SNX16: variants seen among roughly 807,000 people sequenced by gnomAD.
SNX16 encodes sorting nexin-16.
Under a neutral mutation model 36.7 loss-of-function variants are expected in SNX16, and 35 were observed. That is an observed-to-expected ratio of 0.95 (90% CI 0.73 to 1.27). The LOEUF (loss-of-function observed/expected upper bound fraction) is 1.27, where lower values mean the gene tolerates loss of function less well. Ranked by LOEUF, SNX16 falls within the 50% of genes most tolerant of loss-of-function variation. SNX16 has a pLI of 0.00. For missense variants in SNX16, 367 were observed against 393.6 expected (o/e 0.93, Z 0.57); for synonymous variants, 134 against 132.0 (o/e 1.02, Z -0.10).
intron 5 of SNX16, chr8:81,807,716 C>A: frequency 1.7e-6 from 1 of 598,746 alleles, no homozygotes; most frequent in South Asian, 1.9e-5. Context: ...TTGCTCCTTT[C>A]TGCCCGTGGA....
chr8:81,816,984 G>A (rs1275197151), intron 4 of SNX16, among the ~76,000 whole-genome samples: 1 of 152,094 alleles, frequency 6.6e-6, no homozygotes, highest in African/African-American at 2.4e-5. Context: ...AATAGAACAA[G>A]GTCTTCTGAT....
chr8:81,811,879 C>A (rs935044257), intron 5 of SNX16, among the ~76,000 whole-genome samples: 4 of 151,900 alleles, frequency 2.6e-5, no homozygotes, highest in Non-Finnish European at 5.9e-5. Context: ...ATTTTTAATG[C>A]AACCATTACG....
chr8:81,816,299 C>T (rs1219277497), intron 4 of SNX16, among the ~76,000 whole-genome samples: 1 of 151,540 alleles, frequency 6.6e-6, no homozygotes, highest in Non-Finnish European at 1.5e-5. Context: ...CAGCGATTCT[C>T]CTGCGTCAGC....
chr8:81,815,514 CAAGT>C (rs1325874360), intron 4 of SNX16, 120 bp from the exon 5 acceptor site: 2 of 602,110 alleles, frequency 3.3e-6, no homozygotes, highest in Non-Finnish European at 5.7e-6. Context: ...TGTTTTCATA[CAAGT>C]AACTAAATAT....
intron 5 of SNX16, chr8:81,807,898 T>C: frequency 1.3e-6 from 1 of 767,034 alleles, no homozygotes; most frequent in Non-Finnish European, 2.4e-6. Context: ...CCTCACGAAC[T>C]GTGCGGTAAT....
At chr8:81,819,141 G>A (rs1299898719) in intron 4 of SNX16, among the ~76,000 whole-genome samples, 1 of 151,830 alleles carries the variant, frequency 6.6e-6, no homozygotes, top group Admixed American at 6.6e-5. Flanking sequence ...ATAGTGTGAA[G>A]ACAAATACAT....
intron 2 of SNX16, among the ~76,000 whole-genome samples, chr8:81,830,046 ACT>A (rs1183085931): frequency 6.6e-6 from 1 of 152,164 alleles, no homozygotes; most frequent in African/African-American, 2.4e-5. Flanking sequence ...AACCCTAAAA[ACT>A]CTGCGAAAAG....
chr8:81,822,116 G>A (rs1810773349), intron 4 of SNX16, among the ~76,000 whole-genome samples: 1 of 152,076 alleles, frequency 6.6e-6, no homozygotes, highest in Non-Finnish European at 1.5e-5. Context: ...AGTTGAGAAG[G>A]GATGGTACAG....
At chr8:81,828,304 C>CGCTG (rs1563449841) in intron 3 of SNX16, among the ~76,000 whole-genome samples, 1 of 152,054 alleles carries the variant, frequency 6.6e-6, no homozygotes, top group East Asian at 1.9e-4. Flanking sequence ...ATACTTCCAA[C>CGCTG]GCTGGGTATT....
At chr8:81,810,870 C>T (rs1030273103) in intron 5 of SNX16, among the ~76,000 whole-genome samples, 4 of 152,052 alleles carry the variant, frequency 2.6e-5, no homozygotes, top group African/African-American at 9.7e-5. Context: ...CCCTAAATGC[C>T]GATAGAGTGT....
At chr8:81,820,839 T>G (rs141980614) in intron 4 of SNX16, among the ~76,000 whole-genome samples, 68 of 151,990 alleles carry the variant, frequency 4.5e-4, no homozygotes, top group African/African-American at 1.5e-3. Flanking sequence ...TGAGTATATA[T>G]CCCCTCTTTT....
intron 4 of SNX16, among the ~76,000 whole-genome samples, chr8:81,817,746 T>C (rs922525162): frequency 6.6e-6 from 1 of 152,146 alleles, no homozygotes; most frequent in African/African-American, 2.4e-5. Flanking sequence ...ATGGTAGTAA[T>C]TGAGAAAACA....
At chr8:81,831,244 C>G (rs1419948998) in intron 2 of SNX16, among the ~76,000 whole-genome samples, 3 of 152,128 alleles carry the variant, frequency 2.0e-5, no homozygotes, top group African/African-American at 7.2e-5. Context: ...GCAACTGCAA[C>G]AAAAACAAAA....
At position 81,801,533 on chromosome 8, in the gene SNX16, T is replaced by C. The variant is rs1234986857; in HGVS notation, c.999A>G (p.Glu333=). The C allele has an allele frequency of 6.3e-7, 1 of 1,598,560 alleles. No homozygotes were observed. The highest frequency in any genetic ancestry group is 2.2e-5 in the East Asian group (1 of 44,460). The change falls in exon 8 of 8, where the codon GAA becomes GAG. Residue 333 remains glutamate, a synonymous_variant. Coordinates refer to ENST00000345957, the MANE Select transcript of SNX16 (RefSeq NM_152836.3). Reference sequence around the variant, plus strand: ...CAGCATCATATGCCACTTCTGCTACTTCTATCTCTGATACAGCATTTTCAG... The same window carrying C: ...CAGCATCATATGCCACTTCTGCTACCTCTATCTCTGATACAGCATTTTCAG... The part of the protein sequence containing the change: ...SEPENAVSEI[E]VAEVAYDAEE...
rs754406605 is a variant in SNX16 at position 81,802,385 on chromosome 8, T to A, written c.933A>T (p.Glu311Asp). 15 of 1,601,172 alleles carry A rather than the reference T, an allele frequency of 9.4e-6. No individual in the cohort carries two copies. The highest frequency in any genetic ancestry group is 1.7e-4 in the Middle Eastern group (1 of 6,004). Residue 311 changes from glutamate to aspartate, a missense_variant, in exon 7 of 8, where the codon GAA (glutamate) becomes GAT (aspartate). Transcript: ENST00000345957. ...ATAAATGAAATATTATATACCTAGA[T>A]TCTTCATCCAGGACATCTTGATCAA... ...LEVDQDVLDE[E>D]SRADNKPCLS...
chr8:81,840,924 C>T (rs1179026827), intron 1 of SNX16, among the ~76,000 whole-genome samples: 2 of 151,030 alleles, frequency 1.3e-5, no homozygotes, highest in Admixed American at 1.3e-4. Flanking sequence ...ACTGTAACAA[C>T]TACAGACCAA....
rs1443992397 is a variant in SNX16, at chr8:81,840,173, T to C, written c.-96-91A>G. On this transcript the variant is annotated intron_variant, in intron 1 of 7. Transcript: ENST00000345957. ...ATTCTTTTCAATTTTATGACACTAT[T>C]ATTTTATTTGGAATGAAAACATACC... is the stretch of plus-strand genomic sequence containing the variant. The C allele has an allele frequency of 1.6e-5, 10 of 623,208 alleles. No individual in the cohort carries two copies. In the East Asian group the frequency reaches 2.4e-4, roughly 15 times the overall value. 38.6% of individuals were successfully genotyped at this position (623,208 alleles called of 1,614,324 possible).
At chr8:81,835,989 T>C (rs770631126) in intron 2 of SNX16, among the ~76,000 whole-genome samples, 6 of 152,236 alleles carry the variant, frequency 3.9e-5, no homozygotes, top group Non-Finnish European at 7.3e-5. Context: ...GCCTATCAGC[T>C]TGTAAAATCA....
chr8:81,815,280 C>T (rs2635482), intron 5 of SNX16, 45 bp downstream of exon 5: 371,728 of 1,391,868 alleles, frequency 0.27, 53,097 homozygotes, highest in East Asian at 0.4. Flanking sequence ...TATTGTACTG[C>T]ATTAATTGTT....
Sources: gnomAD v4.1 joint callset for allele counts (sites outside exome capture counted in the v4.1 genomes callset) on GRCh38, gnomAD v4.1.1 for gene constraint, MANE v1.5 for transcripts, NCBI Gene and HGNC (gene_info 2026-07-23, HGNC 2026-07-21) for gene names.